Variants in PCDHGA9 observed in about 807,000 individuals in gnomAD.
PCDHGA9 encodes the protein protocadherin gamma subfamily A, 9.
In PCDHGA9, 37 loss-of-function variants were observed where a neutral mutation model predicts 62.5. The observed-to-expected ratio is 0.59, with a 90% CI of 0.46 to 0.78. PCDHGA9 has a LOEUF of 0.78. Ranked by LOEUF, PCDHGA9 falls within the 30% of genes least tolerant of loss-of-function variation. The pLI is 0.00. For missense variants in PCDHGA9, 1,138 were observed against 1,166.2 expected (o/e 0.98, Z 0.35); for synonymous variants, 459 against 484.6 (o/e 0.95, Z 0.69).
rs549866784 is a variant in PCDHGA9, at chr5:141,437,490, A to G, written c.2424+32114A>G. ...TTTTATAGCATATTTAATCTCGTAGATCACTTTTCAATGAATTATAAGGCT... is the reference window on the plus strand; with the variant it reads ...TTTTATAGCATATTTAATCTCGTAGGTCACTTTTCAATGAATTATAAGGCT... On this transcript the variant is annotated intron_variant, in intron 1 of 3. Coordinates refer to ENST00000573521, the MANE Select transcript of PCDHGA9 (RefSeq NM_018921.3). 2.0e-5 allele frequency among the ~76,000 whole-genome samples: 3 copies of G among 152,308 alleles called. No homozygotes were observed. In the East Asian group the frequency reaches 5.8e-4, roughly 29 times the overall value.
At position 141,403,605 on chromosome 5, in the gene PCDHGA9, G is replaced by A. The variant is rs2094432434; in HGVS notation, c.653G>A (p.Gly218Asp). ...HHLVLTASDG[G>D]EPRRSSTVRI... is the part of the protein sequence containing the mutation. ...CTGGTCCTCACGGCCTCGGATGGCG[G>A]CGAGCCGCGTCGCTCCAGCACAGTG... The change falls in exon 1 of 4, where the codon GGC (glycine) becomes GAC (aspartate). Residue 218 changes from glycine (G) to aspartate (D), a missense_variant. Gly to Asp is a moderately conservative substitution (Grantham distance 94). Transcript: ENST00000573521. 6.2e-7 allele frequency: 1 copy of A among 1,613,690 alleles called. No individual in the cohort carries two copies. Among genetic ancestry groups the A allele is most frequent in the Admixed American group, 1.7e-5 (1 of 60,012 alleles).
intron 3 of PCDHGA9, among the ~76,000 whole-genome samples, chr5:141,510,203 G>A (rs1164886289): frequency 6.6e-6 from 1 of 151,680 alleles, no homozygotes; most frequent in Non-Finnish European, 1.5e-5. Flanking sequence ...AGCCCAGGAG[G>A]CAGAGGTTGC....
intron 1 of PCDHGA9, chr5:141,439,807 G>A (rs2098132839): frequency 6.6e-6 from 1 of 152,336 alleles, no homozygotes; most frequent in African/African-American, 2.4e-5. Context: ...AGTTTGAAAA[G>A]GGGCTTATTT....
chr5:141,423,494 A>C lies in PCDHGA9; in HGVS notation c.2424+18118A>C, dbSNP rs753859784. ...CAGGCTTTCCTGCAAACCTATTCCCACGAGGTCTCTCTCATTGCGGACTCG... is the reference window on the plus strand; with the variant it reads ...CAGGCTTTCCTGCAAACCTATTCCCCCGAGGTCTCTCTCATTGCGGACTCG... On this transcript the variant is annotated intron_variant, in intron 1 of 3. Transcript: ENST00000573521. The C allele has an allele frequency of 3.8e-5, 61 of 1,613,842 alleles. No individual in the cohort carries two copies. The highest frequency in any genetic ancestry group is 5.9e-6 in the Non-Finnish European group (7 of 1,179,940).
intron 1 of PCDHGA9, chr5:141,428,368 C>A (rs1403173774): frequency 1.3e-5 from 7 of 544,884 alleles, no homozygotes; most frequent in Non-Finnish European, 2.4e-5. Flanking sequence ...GGTCGCCTTG[C>A]ACCTGCGATG....
At chr5:141,415,392 G>T in intron 1 of PCDHGA9, 1 of 1,614,238 alleles carries the variant, frequency 6.2e-7, no homozygotes, top group Non-Finnish European at 8.5e-7. Context: ...TGACAGGTGT[G>T]TCCGGCTCGC....
In PCDHGA9 at chr5:141,403,493, A is replaced by G. The variant is rs762825635; in HGVS notation, c.541A>G (p.Asn181Asp). The G allele has an allele frequency of 8.7e-6, 14 of 1,613,886 alleles. No homozygotes were observed. The highest frequency in any genetic ancestry group is 5.0e-5 in the Admixed American group (3 of 59,998). Reference sequence around the variant, plus strand: ...CAGCCCCAATCACCACTTCTCCCTGAACGTGCAGACTGGAGACAATGGAGC... The same window carrying G: ...CAGCCCCAATCACCACTTCTCCCTGGACGTGCAGACTGGAGACAATGGAGC... ...QLSPNHHFSLNVQTGDNGAIN... is the reference protein window; with the variant it reads ...QLSPNHHFSLDVQTGDNGAIN... Residue 181 changes from asparagine to aspartate, a missense_variant, in exon 1 of 4, where the codon AAC becomes GAC. Physicochemically the swap from Asn to Asp is conservative, Grantham distance 23 (BLOSUM62 1). Coordinates refer to ENST00000573521, the MANE Select transcript of PCDHGA9 (RefSeq NM_018921.3).
At chr5:141,472,980 C>CAA (rs60579131) in intron 1 of PCDHGA9, among the ~76,000 whole-genome samples, 188 of 86,094 alleles carry the variant, frequency 2.2e-3, no homozygotes, top group Non-Finnish European at 3.2e-3. Flanking sequence ...GAGTGAAACT[C>CAA]AAAAAAAAAA....
chr5:141,456,875 A>C (rs2098894225), intron 1 of PCDHGA9, among the ~76,000 whole-genome samples: 1 of 152,190 alleles, frequency 6.6e-6, no homozygotes, highest in African/African-American at 2.4e-5. Context: ...AGGCAGGAGA[A>C]TCGCTTGAAC....
rs1399077321 is a variant in PCDHGA9, at chr5:141,474,090, AAAC to A, written c.2425-20708_2425-20706del. Among the ~76,000 whole-genome samples the A allele has an allele frequency of 2.6e-5, 4 of 152,206 alleles. No individual in the cohort carries two copies. In the East Asian group the frequency reaches 5.8e-4, roughly 22 times the overall value. On this transcript the variant is annotated intron_variant, in intron 1 of 3. Coordinates refer to ENST00000573521, the MANE Select transcript of PCDHGA9 (RefSeq NM_018921.3). ...GCCTCAGAAACAAAAACCAAAAAAC[AAAC>A]AACAACAAAAACAACAACAACGAAA...
In PCDHGA9 at chr5:141,403,227, G is replaced by C. The variant is rs2094378929; in HGVS notation, c.275G>C (p.Arg92Pro). ...GTLVTAGRID[R>P]EELCAQSPRC... ...TTGGTCACCGCGGGTAGGATAGACC[G>C]GGAGGAGCTCTGTGCTCAGAGCCCG... Residue 92 changes from arginine (R) to proline (P), a missense_variant, in exon 1 of 4, where the codon CGG (arginine) becomes CCG (proline). Physicochemically the swap from Arg to Pro is moderately radical, Grantham distance 103. Transcript: ENST00000573521. The C allele has an allele frequency of 1.2e-6, 2 of 1,608,848 alleles. No individual in the cohort carries two copies. Among genetic ancestry groups the C allele is most frequent in the African/African-American group, 1.3e-5 (1 of 74,902 alleles).
At chr5:141,448,394 T>C (rs1360417681) in intron 1 of PCDHGA9, among the ~76,000 whole-genome samples, 1 of 152,206 alleles carries the variant, frequency 6.6e-6, no homozygotes. Context: ...TACATTTACA[T>C]GGTTTTAAAA....
chr5:141,483,432 ACT>A (rs2099581241), intron 1 of PCDHGA9, among the ~76,000 whole-genome samples: 1 of 152,200 alleles, frequency 6.6e-6, no homozygotes, highest in African/African-American at 2.4e-5. Flanking sequence ...GAGGGAGCTG[ACT>A]ACAATAAAAT....
chr5:141,419,322 C>T lies in PCDHGA9; in HGVS notation c.2424+13946C>T, dbSNP rs370480327. The stretch of plus-strand genomic sequence containing the variant: ...GACTTCGGGCTCAACGGCCGTGTCT[C>T]CTACTCTCTCATTGCCAGCGACCTG... On this transcript the variant is annotated intron_variant, in intron 1 of 3. Transcript: ENST00000573521. 164 of 1,613,852 alleles carry T rather than the reference C, an allele frequency of 1.0e-4. No individual in the cohort carries two copies. Among genetic ancestry groups the T allele is most frequent in the Non-Finnish European group, 1.3e-4 (153 of 1,179,898 alleles).
chr5:141,468,067 G>A (rs560511893), intron 1 of PCDHGA9, among the ~76,000 whole-genome samples: 34 of 152,032 alleles, frequency 2.2e-4, no homozygotes, highest in Non-Finnish European at 4.0e-4. Flanking sequence ...GCTCACACCT[G>A]TAATCCCAGC....
chr5:141,494,142 A>AAGACAACT (rs2099752181), intron 1 of PCDHGA9, among the ~76,000 whole-genome samples: 5 of 152,090 alleles, frequency 3.3e-5, no homozygotes, highest in Admixed American at 6.5e-5. Context: ...TTAGTCACAG[A>AAGACAACT]CCATTGTCTG....
At chr5:141,450,831 T>TA (rs761717068) in intron 1 of PCDHGA9, among the ~76,000 whole-genome samples, 7,796 of 144,584 alleles carry the variant, frequency 0.054, 354 homozygotes, top group African/African-American at 0.12. Context: ...TTATTATTAT[T>TA]TTTTTTTTTT....
intron 1 of PCDHGA9, among the ~76,000 whole-genome samples, chr5:141,481,063 C>T (rs2154578481): frequency 6.6e-6 from 1 of 151,952 alleles, no homozygotes; most frequent in Middle Eastern, 3.4e-3. Context: ...ACCTCAAAAA[C>T]AAAAAGAAAG....
At position 141,485,342 on chromosome 5, in the gene PCDHGA9, G is replaced by A; in HGVS notation, c.2425-9465G>A. On this transcript the variant is annotated intron_variant, in intron 1 of 3. Coordinates refer to ENST00000573521, the MANE Select transcript of PCDHGA9 (RefSeq NM_018921.3). The surrounding 1 kb of genome is among the most constrained non-coding windows in gnomAD (Gnocchi z 5.7). ...CGCTCAAGATTTCCTGCTGGATACG[G>A]ACAGTCTGTCAGCTCGCAGGCTGCA... 1 of 1,614,164 alleles carries A rather than the reference G, an allele frequency of 6.2e-7. No homozygotes were observed. The highest frequency in any genetic ancestry group is 8.5e-7 in the Non-Finnish European group (1 of 1,180,026).
Sources: allele counts gnomAD v4.1 joint callset (sites outside exome capture counted in the v4.1 genomes callset), GRCh38; gene constraint gnomAD v4.1.1; non-coding constraint Gnocchi (gnomAD v3.1); transcripts MANE v1.5; gene names NCBI Gene and HGNC (gene_info 2026-07-23, HGNC 2026-07-21).